The following DPYSL2 variants were observed in gnomAD, a reference collection of about 807,000 sequenced individuals.
DPYSL2 encodes dihydropyrimidinase-related protein 2.
In DPYSL2, 13 loss-of-function variants were observed where a neutral mutation model predicts 69.9. The observed-to-expected ratio is 0.19, with a 90% confidence interval of 0.12 to 0.30. DPYSL2 has a LOEUF of 0.30. Among genes scored for constraint, DPYSL2 ranks in the 10% least tolerant of loss-of-function variants. The probability of loss-of-function intolerance (pLI) is 1.00; values close to 1 mark genes in which losing one functional copy is unlikely to be tolerated. For missense variants in DPYSL2, 587 were observed against 918.9 expected, an observed-to-expected ratio of 0.64 and a Z score of 4.67; for synonymous variants, 326 against 359.1, an observed-to-expected ratio of 0.91 and a Z score of 1.04.
At position 26,613,016 on chromosome 8, in the gene DPYSL2, T is replaced by C. The variant is rs543450796; in HGVS notation, c.629-11127T>C. Among the ~76,000 whole-genome samples, 14 of 152,332 alleles carry C rather than the reference T, an allele frequency of 9.2e-5. 2 individuals carry two copies. In the South Asian group the frequency reaches 2.1e-3, roughly 23 times the overall value. ...TTGTGAATCACTTAAAAACACTATGTCTATGTGAGGTTGATATTATTGCTA... is the reference window on the plus strand; with the variant it reads ...TTGTGAATCACTTAAAAACACTATGCCTATGTGAGGTTGATATTATTGCTA... On this transcript the variant is annotated intron_variant, in intron 3 of 13. Coordinates refer to ENST00000521913, the MANE Select transcript of DPYSL2 (RefSeq NM_001197293.3).
rs1801468469 is a variant in DPYSL2, at chr8:26,580,539, T to C, written c.355-1430T>C. On this transcript the variant is annotated intron_variant, in intron 1 of 13. Coordinates refer to ENST00000521913, the MANE Select transcript of DPYSL2 (RefSeq NM_001197293.3). This position sits in a 1 kb window ranked among gnomAD's most constrained non-coding sequence, Gnocchi z 4.1. ...GCAGTGTACAAAATTAAAATGATCT[T>C]ATTGGTTTTCAGTATGTTAGAGAGA... Among the ~76,000 whole-genome samples the C allele has an allele frequency of 6.6e-6, 1 of 152,242 alleles. No individual in the cohort carries two copies. Among genetic ancestry groups the C allele is most frequent in the South Asian group, 2.1e-4 (1 of 4,834 alleles).
At chr8:26,531,889 C>G (rs1339336198) in intron 1 of DPYSL2, among the ~76,000 whole-genome samples, 1 of 151,876 alleles carries the variant, frequency 6.6e-6, no homozygotes, top group African/African-American at 2.4e-5. Context: ...GGGTGAGTGG[C>G]AGCTGCCATG....
At chr8:26,548,373 C>A in intron 1 of DPYSL2, 1 of 250,146 alleles carries the variant, frequency 4.0e-6, no homozygotes, top group Non-Finnish European at 7.9e-6. Context: ...AATTGTTAAC[C>A]CAAAGGGTGA....
At position 26,517,202 on chromosome 8, in the gene DPYSL2, G is replaced by C. The variant is rs1585484039; in HGVS notation, c.354+2523G>C. On this transcript the variant is annotated intron_variant, in intron 1 of 13. Transcript: ENST00000521913. The surrounding 1 kb of genome is among the most constrained non-coding windows in gnomAD (Gnocchi z 4.2). ...CATCTGTTGCACTAAGAGGCCTGCT[G>C]TTCCCCTAACAAGGCTTTGGGAAGG... Among the ~76,000 whole-genome samples, 1 of 152,160 alleles carries C rather than the reference G, an allele frequency of 6.6e-6. No individual in the cohort carries two copies. The highest frequency in any genetic ancestry group is 1.5e-5 in the Non-Finnish European group (1 of 68,040).
rs972982831 is a variant in DPYSL2, at chr8:26,621,068, T to C, written c.629-3075T>C. 2.1e-4 allele frequency among the ~76,000 whole-genome samples: 32 copies of C among 152,388 alleles called. No homozygotes were observed. The highest frequency in any genetic ancestry group is 7.7e-4 in the African/African-American group (32 of 41,596). On this transcript the variant is annotated intron_variant, in intron 3 of 13. Transcript: ENST00000521913. This position sits in a 1 kb window ranked among gnomAD's most constrained non-coding sequence, Gnocchi z 4.9. ...CTTTATCTTGCATTACTCTTTCTGG[T>C]TTATCACATTTTCTTGTATTTTATG...
At chr8:26,589,480 A>G (rs1379142290) in intron 3 of DPYSL2, among the ~76,000 whole-genome samples, 1 of 152,238 alleles carries the variant, frequency 6.6e-6, no homozygotes, top group Non-Finnish European at 1.5e-5. Flanking sequence ...GACTGAATAC[A>G]CTGACGATAC....
intron 3 of DPYSL2, among the ~76,000 whole-genome samples, chr8:26,618,016 T>C (rs1802394403): frequency 6.6e-6 from 1 of 152,078 alleles, no homozygotes. Flanking sequence ...TATACCTCAA[T>C]AAAACTGTTA....
chr8:26,536,112 T>C (rs1002202718), intron 1 of DPYSL2, among the ~76,000 whole-genome samples: 3 of 150,796 alleles, frequency 2.0e-5, no homozygotes, highest in African/African-American at 7.3e-5. Flanking sequence ...TTCCTTTTTT[T>C]TTTTTTTTCT....
At chr8:26,529,880 G>A (rs10104837) in intron 1 of DPYSL2, among the ~76,000 whole-genome samples, 90,496 of 151,070 alleles carry the variant, frequency 0.6, 29,579 homozygotes, top group East Asian at 0.9. Context: ...GGAGGCAGAG[G>A]TGAGGGGATC....
At position 26,588,249 on chromosome 8, in the gene DPYSL2, C is replaced by T. The variant is rs1485945710; in HGVS notation, c.628+4266C>T. 6.6e-6 allele frequency among the ~76,000 whole-genome samples: 1 copy of T among 152,210 alleles called. No homozygotes were observed. The highest frequency in any genetic ancestry group is 1.9e-4 in the East Asian group (1 of 5,176). On this transcript the variant is annotated intron_variant, in intron 3 of 13. Coordinates refer to ENST00000521913, the MANE Select transcript of DPYSL2 (RefSeq NM_001197293.3). The surrounding 1 kb of genome is among the most constrained non-coding windows in gnomAD (Gnocchi z 5.4). Reference sequence around the variant, plus strand: ...CCGTAGGGCTTGACCTGAGTATTCACTGAGAGCAGGCGCTGTCTAGGCGTG... The same window carrying T: ...CCGTAGGGCTTGACCTGAGTATTCATTGAGAGCAGGCGCTGTCTAGGCGTG...
intron 7 of DPYSL2, among the ~76,000 whole-genome samples, chr8:26,632,839 G>A (rs1291909525): frequency 6.6e-6 from 1 of 152,232 alleles, no homozygotes; most frequent in African/African-American, 2.4e-5. Flanking sequence ...TCCTTCAGCT[G>A]TCTTAGGAAT....
chr8:26,537,354 A>G (rs577854076), intron 1 of DPYSL2, among the ~76,000 whole-genome samples: 1 of 152,230 alleles, frequency 6.6e-6, no homozygotes, highest in Non-Finnish European at 1.5e-5. Context: ...GAGCTGCAGG[A>G]TGATTCAGCA....
Position 26,593,081 on chromosome 8 carries a change from A to G in DPYSL2, c.628+9098A>G, listed in dbSNP as rs1344109426. On this transcript the variant is annotated intron_variant, in intron 3 of 13. Coordinates refer to ENST00000521913, the MANE Select transcript of DPYSL2 (RefSeq NM_001197293.3). The surrounding 1 kb of genome is among the most constrained non-coding windows in gnomAD (Gnocchi z 5.7). ...TAAAGGGGAGTGACAGTGAGTAGAA[A>G]TTAGAGTTCTTTCTGGTTAACCCAT... Among the ~76,000 whole-genome samples the G allele has an allele frequency of 6.6e-6, 1 of 152,224 alleles. No homozygotes were observed. The highest frequency in any genetic ancestry group is 1.5e-5 in the Non-Finnish European group (1 of 68,044).
chr8:26,644,157 A>G lies in DPYSL2; in HGVS notation c.1425+66A>G. On this transcript the variant is annotated intron_variant, in intron 10 of 13. Transcript: ENST00000521913. The surrounding 1 kb of genome is among the most constrained non-coding windows in gnomAD (Gnocchi z 4.5). The stretch of plus-strand genomic sequence containing the variant: ...TCCTTGTCCTCCTCATCTGGGGGCC[A>G]TGGGGCTCATGGAGGCCTTGAAATG... 6 of 1,561,512 alleles carry G rather than the reference A, an allele frequency of 3.8e-6. No homozygotes were observed. The highest frequency in any genetic ancestry group is 4.3e-6 in the Non-Finnish European group (5 of 1,151,942).
chr8:26,624,767 A>G lies in DPYSL2; in HGVS notation c.793+460A>G, dbSNP rs1585555207. ...GATTTGAGGGCTATGAGACACTTCAAAACTGAGTGACAACCTGAGAGGGCT... is the reference window on the plus strand; with the variant it reads ...GATTTGAGGGCTATGAGACACTTCAGAACTGAGTGACAACCTGAGAGGGCT... On this transcript the variant is annotated intron_variant, in intron 4 of 13. Coordinates refer to ENST00000521913, the MANE Select transcript of DPYSL2 (RefSeq NM_001197293.3). The surrounding 1 kb of genome is among the most constrained non-coding windows in gnomAD (Gnocchi z 4.7). 6.6e-6 allele frequency among the ~76,000 whole-genome samples: 1 copy of G among 152,314 alleles called. No individual in the cohort carries two copies. Among genetic ancestry groups the G allele is most frequent in the East Asian group, 1.9e-4 (1 of 5,186 alleles).
chr8:26,653,452 G>T lies in DPYSL2; in HGVS notation c.1942+55G>T. 1.3e-6 allele frequency: 2 copies of T among 1,547,500 alleles called. No homozygotes were observed. Among genetic ancestry groups the T allele is most frequent in the Non-Finnish European group, 1.7e-6 (2 of 1,143,260 alleles). On this transcript the variant is annotated intron_variant, in intron 13 of 13. Transcript: ENST00000521913. The surrounding 1 kb of genome is among the most constrained non-coding windows in gnomAD (Gnocchi z 5.7). Reference sequence around the variant, plus strand: ...TCTGCAGGGCCAGCTCGCTGGTGCTGGCGAGGCTACAGTTGCATTTGGAAA... The same window carrying T: ...TCTGCAGGGCCAGCTCGCTGGTGCTTGCGAGGCTACAGTTGCATTTGGAAA...
At chr8:26,521,781 C>T (rs1413549030) in intron 1 of DPYSL2, among the ~76,000 whole-genome samples, 2 of 152,040 alleles carry the variant, frequency 1.3e-5, no homozygotes, top group Non-Finnish European at 1.5e-5. Context: ...CAGTATATGG[C>T]CTTTTGTGTC....
At chr8:26,551,280 T>C (rs180935503) in intron 1 of DPYSL2, among the ~76,000 whole-genome samples, 7 of 152,268 alleles carry the variant, frequency 4.6e-5, no homozygotes. Flanking sequence ...AAAGTTAGAA[T>C]AGGTATATTA....
chr8:26,623,277 GT>G (rs1563414173), intron 3 of DPYSL2, among the ~76,000 whole-genome samples: 1 of 152,188 alleles, frequency 6.6e-6, no homozygotes. Context: ...ACTGGTTGGG[GT>G]TTTGCAAACC....
Sources: gnomAD v4.1 joint callset for allele counts (sites outside exome capture counted in the v4.1 genomes callset) on GRCh38, gnomAD v4.1.1 for gene constraint, Gnocchi (gnomAD v3.1) non-coding constraint, MANE v1.5 for transcripts, NCBI Gene and HGNC (gene_info 2026-07-23, HGNC 2026-07-21) for gene names.